Variants in EPHA6 observed in about 807,000 individuals in gnomAD.
EPHA6 encodes ephrin type-A receptor 6.
Under a neutral mutation model 112.0 loss-of-function variants are expected in EPHA6, and 50 were observed. The observed-to-expected ratio is 0.45, with a 90% CI of 0.36 to 0.56. The LOEUF is 0.56. Among genes scored for constraint, EPHA6 ranks in the 20% least tolerant of loss-of-function variants. The pLI, the probability that EPHA6 is intolerant of heterozygous loss-of-function variation, is 0.00. For missense variants in EPHA6, 1,280 were observed against 1,417.4 expected, an observed-to-expected ratio of 0.90 and a Z score of 1.56; for synonymous variants, 529 against 490.7, an observed-to-expected ratio of 1.08 and a Z score of -1.03.
At chr3:97,573,414 A>G (rs530321406) in intron 11 of EPHA6, among the ~76,000 whole-genome samples, 1 of 152,314 alleles carries the variant, frequency 6.6e-6, no homozygotes, top group Admixed American at 6.5e-5. Flanking sequence ...TAATTTGACA[A>G]GAAGACCATT....
chr3:97,490,046 T>G (rs998409208), intron 10 of EPHA6, among the ~76,000 whole-genome samples: 1 of 152,116 alleles, frequency 6.6e-6, no homozygotes, highest in African/African-American at 2.4e-5. Context: ...GCAAGTTGCC[T>G]CATCATAGTC....
In EPHA6 at chr3:96,968,014, T is replaced by G. The variant is rs533691376; in HGVS notation, c.451-19316T>G. Among the ~76,000 whole-genome samples, 132 of 151,952 alleles carry G rather than the reference T, an allele frequency of 8.7e-4. 1 individual carries two copies. The highest frequency in any genetic ancestry group is 3.0e-3 in the African/African-American group (126 of 41,502). ...TTATGAGCTATTGTATACCTTTTATTTATATGCTTACTATTTTTTTCTCTT... is the reference window on the plus strand; with the variant it reads ...TTATGAGCTATTGTATACCTTTTATGTATATGCTTACTATTTTTTTCTCTT... On this transcript the variant is annotated intron_variant, in intron 2 of 17. Transcript: ENST00000389672.
At chr3:97,133,009 A>G (rs552184482) in intron 3 of EPHA6, among the ~76,000 whole-genome samples, 23 of 152,224 alleles carry the variant, frequency 1.5e-4, no homozygotes, top group African/African-American at 5.5e-4. Context: ...TCGTATGCAT[A>G]TATACAATTT....
intron 9 of EPHA6, among the ~76,000 whole-genome samples, chr3:97,482,596 A>C (rs1452870391): frequency 6.6e-6 from 1 of 152,226 alleles, no homozygotes; most frequent in Non-Finnish European, 1.5e-5. Flanking sequence ...TGTGTAAATG[A>C]AGGCAATGGG....
At chr3:97,022,207 TA>T (rs2044485401) in intron 3 of EPHA6, among the ~76,000 whole-genome samples, 1 of 152,178 alleles carries the variant, frequency 6.6e-6, no homozygotes, top group Non-Finnish European at 1.5e-5. Flanking sequence ...ATTATTATAT[TA>T]AGTATACCAC....
intron 6 of EPHA6, among the ~76,000 whole-genome samples, chr3:97,411,861 A>G (rs2087737620): frequency 6.6e-6 from 1 of 152,084 alleles, no homozygotes; most frequent in Non-Finnish European, 1.5e-5. Context: ...AAGGGATATG[A>G]TCCAGTGGTA....
intron 3 of EPHA6, among the ~76,000 whole-genome samples, chr3:97,171,228 A>G (rs2076691424): frequency 6.6e-6 from 1 of 152,214 alleles, no homozygotes; most frequent in South Asian, 2.1e-4. Flanking sequence ...AAGTGAATGA[A>G]TGAATGAAAA....
At chr3:97,109,377 A>C (rs1246872478) in intron 3 of EPHA6, among the ~76,000 whole-genome samples, 1 of 152,140 alleles carries the variant, frequency 6.6e-6, no homozygotes, top group Non-Finnish European at 1.5e-5. Context: ...GTTGTTATGA[A>C]ACACAACTGT....
At chr3:97,340,751 T>A (rs549251419) in intron 5 of EPHA6, among the ~76,000 whole-genome samples, 5 of 152,330 alleles carry the variant, frequency 3.3e-5, no homozygotes, top group African/African-American at 1.2e-4. Context: ...CACTGGGTCT[T>A]TCCTCTGTGT....
chr3:96,849,265 G>C (rs1296555300), intron 1 of EPHA6, among the ~76,000 whole-genome samples: 1 of 152,052 alleles, frequency 6.6e-6, no homozygotes, highest in African/African-American at 2.4e-5. Context: ...ATATTTTATT[G>C]ATCAGTAGTA....
intron 11 of EPHA6, among the ~76,000 whole-genome samples, chr3:97,558,374 C>T (rs915870235): frequency 2.6e-5 from 4 of 152,008 alleles, no homozygotes; most frequent in African/African-American, 9.7e-5. Flanking sequence ...GTTTTCATCT[C>T]AGTTTCTACC....
intron 2 of EPHA6, among the ~76,000 whole-genome samples, chr3:96,924,106 G>T (rs1477674700): frequency 6.6e-6 from 1 of 151,874 alleles, no homozygotes; most frequent in Non-Finnish European, 1.5e-5. Flanking sequence ...CTTTTTCCTT[G>T]GGATTGTTTG....
chr3:97,156,260 G>T (rs1321404945), intron 3 of EPHA6, among the ~76,000 whole-genome samples: 1 of 152,106 alleles, frequency 6.6e-6, no homozygotes, highest in East Asian at 1.9e-4. Context: ...TGATCAGAAT[G>T]CAGGAAGGAA....
At chr3:97,453,648 T>G (rs1255358504) in intron 7 of EPHA6, among the ~76,000 whole-genome samples, 1 of 151,746 alleles carries the variant, frequency 6.6e-6, no homozygotes, top group Non-Finnish European at 1.5e-5. Flanking sequence ...TCTTATGTCG[T>G]GCCTTATATA....
intron 3 of EPHA6, among the ~76,000 whole-genome samples, chr3:97,191,692 G>A (rs572338696): frequency 6.6e-6 from 1 of 152,180 alleles, no homozygotes; most frequent in African/African-American, 2.4e-5. Context: ...CTGTGTATAT[G>A]TACCACATTT....
intron 6 of EPHA6, among the ~76,000 whole-genome samples, chr3:97,434,892 C>T (rs1198839299): frequency 2.0e-5 from 3 of 151,070 alleles, no homozygotes; most frequent in African/African-American, 7.3e-5. Flanking sequence ...GCCCTTCTTC[C>T]CACCCTCCCT....
chr3:97,066,729 G>A (rs2046190273), intron 3 of EPHA6, among the ~76,000 whole-genome samples: 1 of 152,172 alleles, frequency 6.6e-6, no homozygotes, highest in Non-Finnish European at 1.5e-5. Context: ...TTTCAGGGCA[G>A]AGATTATTTA....
chr3:97,437,137 G>A (rs2089892398), intron 6 of EPHA6, among the ~76,000 whole-genome samples: 1 of 151,620 alleles, frequency 6.6e-6, no homozygotes, highest in East Asian at 1.9e-4. Context: ...TGTCCAATGT[G>A]GCCAGGGAAG....
intron 5 of EPHA6, among the ~76,000 whole-genome samples, chr3:97,286,685 T>C (rs2080475838): frequency 6.6e-6 from 1 of 152,020 alleles, no homozygotes; most frequent in Non-Finnish European, 1.5e-5. Context: ...TCAAGCTTTT[T>C]TTTTTTTTCT....
Sources: gnomAD v4.1 joint callset for allele counts (sites outside exome capture counted in the v4.1 genomes callset) on GRCh38, gnomAD v4.1.1 for gene constraint, MANE v1.5 for transcripts, NCBI Gene and HGNC (gene_info 2026-07-23, HGNC 2026-07-21) for gene names.